Variants in AMZ1 observed in about 807,000 individuals in gnomAD.
AMZ1 encodes archaelysin family metallopeptidase 1, also known as archaemetzincin-1.
A neutral mutation model predicts 29.9 loss-of-function variants in AMZ1; 39 were observed. That is an observed-to-expected ratio of 1.30 (90% CI 1.01 to 1.70). AMZ1 has a LOEUF of 1.70. AMZ1 is among the 40% of genes most tolerant of loss of function. The probability of loss-of-function intolerance (pLI) is 0.00; values close to 1 mark genes in which losing one functional copy is unlikely to be tolerated. For missense variants in AMZ1, 1,041 were observed against 680.6 expected (o/e 1.53, Z -5.89); for synonymous variants, 458 against 304.0 (o/e 1.51, Z -5.27).
rs1028467222 is a variant in AMZ1, at chr7:2,717,043, C to A, written c.*4165C>A. ...GCGCACGGACGCGGGAGGCCTGCAC[C>A]CTGATCCCTGAGCAGCCCCCACACA... is the stretch of plus-strand genomic sequence containing the variant. On this transcript the variant is annotated 3_prime_UTR_variant, in exon 7 of 7. Coordinates refer to ENST00000683327, the MANE Select transcript of AMZ1 (RefSeq NM_001384743.1). 1.3e-5 allele frequency among the ~76,000 whole-genome samples: 2 copies of A among 152,058 alleles called. No individual in the cohort carries two copies. Among genetic ancestry groups the A allele is most frequent in the African/African-American group, 4.8e-5 (2 of 41,376 alleles).
Position 2,713,001 on chromosome 7 carries a change from C to G in AMZ1, c.*123C>G. The stretch of plus-strand genomic sequence containing the variant: ...GGGTCTGCCTGGGTGGTGGCTCAGG[C>G]CTGTCATCCCATCACTTTGAGAGGC... On this transcript the variant is annotated 3_prime_UTR_variant, in exon 7 of 7. Coordinates refer to ENST00000683327, the MANE Select transcript of AMZ1 (RefSeq NM_001384743.1). 1 of 1,106,514 alleles carries G rather than the reference C, an allele frequency of 9.0e-7. No individual in the cohort carries two copies. Among genetic ancestry groups the G allele is most frequent in the Non-Finnish European group, 1.2e-6 (1 of 833,208 alleles). The allele number at this position is 1,106,514 out of a possible 1,614,324, so 68.5% of individuals were successfully genotyped here.
At chr7:2,697,244 G>A (rs1383687835) in intron 1 of AMZ1, among the ~76,000 whole-genome samples, 2 of 151,930 alleles carry the variant, frequency 1.3e-5, no homozygotes, top group Non-Finnish European at 2.9e-5. Flanking sequence ...TTACAGGCAC[G>A]TGTCACCACG....
rs1490698673 is a variant in AMZ1, at chr7:2,709,789, G to A, written c.921G>A (p.Leu307=). 2.5e-6 allele frequency: 4 copies of A among 1,611,944 alleles called. No homozygotes were observed. The highest frequency in any genetic ancestry group is 1.7e-5 in the Admixed American group (1 of 59,964). The change falls in exon 6 of 7, where the codon CTG becomes CTA. Residue 307 remains leucine, a synonymous_variant. Coordinates refer to ENST00000683327, the MANE Select transcript of AMZ1 (RefSeq NM_001384743.1). ...GCCTGAGGAAGCTGCAGCATGTCCTGGGTTTCAGGCTCATCGAGAGGTACC... is the reference window on the plus strand; with the variant it reads ...GCCTGAGGAAGCTGCAGCATGTCCTAGGTTTCAGGCTCATCGAGAGGTACC... ...PICLRKLQHV[L]GFRLIERYQR... is the part of the protein sequence containing the mutation.
At position 2,709,254 on chromosome 7, in the gene AMZ1, G is replaced by T. The variant is rs373885832; in HGVS notation, c.771+10G>T. The T allele has an allele frequency of 1.3e-6, 2 of 1,488,474 alleles. No individual in the cohort carries two copies. Among genetic ancestry groups the T allele is most frequent in the Admixed American group, 5.0e-5 (2 of 40,040 alleles). 92.2% of individuals were successfully genotyped at this position (1,488,474 alleles called of 1,614,324 possible). A position where few individuals can be genotyped will look rare whatever the true frequency, so the allele number is the denominator to read the frequency against. ...GGTTCAGTGCTGCAAGGTGGGTGGG[G>T]GCTCTGGGGCTGGTAAGAGGGGACA... On this transcript the variant is annotated intron_variant, in intron 5 of 6. Coordinates refer to ENST00000683327, the MANE Select transcript of AMZ1 (RefSeq NM_001384743.1).
intron 3 of AMZ1, among the ~76,000 whole-genome samples, chr7:2,703,209 C>T (rs940178293): frequency 3.3e-5 from 5 of 152,242 alleles, no homozygotes; most frequent in Admixed American, 2.6e-4. Flanking sequence ...TGCCGTGGCG[C>T]GATCTCGGCT....
chr7:2,693,149 C>G (rs139604283), intron 1 of AMZ1, among the ~76,000 whole-genome samples: 8 of 152,170 alleles, frequency 5.3e-5, no homozygotes, highest in Non-Finnish European at 8.8e-5. Flanking sequence ...TTGCCCAGGC[C>G]GGAGTGCAGT....
intron 6 of AMZ1, among the ~76,000 whole-genome samples, chr7:2,710,245 T>G (rs1788685057): frequency 2.6e-5 from 4 of 152,214 alleles, no homozygotes. Context: ...ACAAGGCTTG[T>G]TGGAGGTGGC....
chr7:2,701,190 C>A (rs1034510609), intron 2 of AMZ1, among the ~76,000 whole-genome samples: 1 of 151,992 alleles, frequency 6.6e-6, no homozygotes, highest in Admixed American at 6.6e-5. Context: ...GAGATCATGC[C>A]ACTGCATTCC....
At chr7:2,744,089 G>T (rs1442104057) in intron 4 of AMZ1, among the ~76,000 whole-genome samples, 1 of 152,222 alleles carries the variant, frequency 6.6e-6, no homozygotes, top group African/African-American at 2.4e-5. Context: ...TTCCCCCTCT[G>T]GGGGCAGGGC....
In AMZ1 at chr7:2,713,107, T is replaced by G; in HGVS notation, c.*229T>G. ...AAATTAAAAAATTAGCTGGATGAAG[T>G]GGTTCATGCCTGTGTTCCCAGCTAT... On this transcript the variant is annotated 3_prime_UTR_variant, in exon 7 of 7. Transcript: ENST00000683327. 2.4e-6 allele frequency: 1 copy of G among 415,472 alleles called. No homozygotes were observed. Among genetic ancestry groups the G allele is most frequent in the South Asian group, 8.1e-5 (1 of 12,374 alleles). 25.7% of individuals were successfully genotyped at this position (415,472 alleles called of 1,614,324 possible).
intron 4 of AMZ1, among the ~76,000 whole-genome samples, chr7:2,755,110 C>G (rs1367576712): frequency 6.6e-6 from 1 of 152,054 alleles, no homozygotes; most frequent in Non-Finnish European, 1.5e-5. Context: ...ATCCACGGGT[C>G]TGTCCAGTGA....
intron 3 of AMZ1, among the ~76,000 whole-genome samples, chr7:2,704,143 C>A (rs1399412144): frequency 6.6e-6 from 1 of 152,198 alleles, no homozygotes; most frequent in Admixed American, 6.5e-5. Flanking sequence ...CCTGCATTGG[C>A]CTCCCAAAGT....
chr7:2,755,045 C>T (rs1791226024), intron 4 of AMZ1, among the ~76,000 whole-genome samples: 1 of 152,206 alleles, frequency 6.6e-6, no homozygotes, highest in South Asian at 2.1e-4. Context: ...TCTCCTTCTT[C>T]ACTGAGTTGC....
chr7:2,744,456 G>A (rs1488675176), intron 4 of AMZ1, among the ~76,000 whole-genome samples: 1 of 152,168 alleles, frequency 6.6e-6, no homozygotes, highest in South Asian at 2.1e-4. Context: ...GCAGCTGAGG[G>A]TCCTGTCTGT....
intron 1 of AMZ1, among the ~76,000 whole-genome samples, chr7:2,690,412 GT>G (rs1170130126): frequency 1.3e-5 from 2 of 152,150 alleles, no homozygotes; most frequent in Non-Finnish European, 2.9e-5. Context: ...TAGAGACGGG[GT>G]TTTGCCATAT....
At chr7:2,726,340 C>G (rs2115259259) in intron 4 of AMZ1, among the ~76,000 whole-genome samples, 1 of 152,316 alleles carries the variant, frequency 6.6e-6, no homozygotes, top group South Asian at 2.1e-4. Flanking sequence ...ATGGATGTCC[C>G]CAAACCTGGA....
rs1291633509 is a variant in AMZ1, at chr7:2,702,892, G to A, written c.472+3G>A. On this transcript the variant is annotated splice_donor_region_variant and intron_variant, in intron 3 of 6. Coordinates refer to ENST00000683327, the MANE Select transcript of AMZ1 (RefSeq NM_001384743.1). Reference sequence around the variant, plus strand: ...TGACAGGCTCCAGCTCCACACAGGTGAGTGAGGACGGCAGCCGCCGCTCAG... The same window carrying A: ...TGACAGGCTCCAGCTCCACACAGGTAAGTGAGGACGGCAGCCGCCGCTCAG... The A allele has an allele frequency of 1.6e-5, 26 of 1,580,872 alleles. No individual in the cohort carries two copies. The highest frequency in any genetic ancestry group is 5.4e-5 in the African/African-American group (4 of 74,406).
chr7:2,733,570 C>G, intron 4 of AMZ1: 2 of 1,242,542 alleles, frequency 1.6e-6, no homozygotes, highest in Non-Finnish European at 2.4e-6. Context: ...AATACAAGAA[C>G]TGAACAGGGT....
chr7:2,680,885 A>G (rs1403245951), intron 1 of AMZ1, among the ~76,000 whole-genome samples: 1 of 152,214 alleles, frequency 6.6e-6, no homozygotes, highest in Non-Finnish European at 1.5e-5. Flanking sequence ...GGAGATTTCC[A>G]TGGTCCGTGG....
Sources: gnomAD v4.1 joint callset for allele counts (sites outside exome capture counted in the v4.1 genomes callset) on GRCh38, gnomAD v4.1.1 for gene constraint, MANE v1.5 for transcripts, NCBI Gene and HGNC (gene_info 2026-07-23, HGNC 2026-07-21) for gene names.